The following ROBO1 variants were observed in gnomAD, a reference collection of about 807,000 sequenced individuals.
The protein encoded by ROBO1 is roundabout homolog 1.
In ROBO1, 149 loss-of-function variants were observed where a neutral mutation model predicts 195.9. The observed-to-expected ratio is 0.76, with a 90% CI of 0.67 to 0.87. ROBO1 has a LOEUF of 0.87. Among genes scored for constraint, ROBO1 ranks in the 40% least tolerant of loss-of-function variants. The pLI is 0.00. For missense variants in ROBO1, 1,933 were observed against 2,068.3 expected (o/e 0.93, Z 1.27); for synonymous variants, 816 against 733.2 (o/e 1.11, Z -1.82).
At chr3:79,693,736 C>T (rs1947363493) in intron 1 of ROBO1, among the ~76,000 whole-genome samples, 1 of 151,644 alleles carries the variant, frequency 6.6e-6, no homozygotes, top group Non-Finnish European at 1.5e-5. Context: ...CTGTGCCCAA[C>T]CCTGATTTGC....
rs773912454 is a variant in ROBO1, at chr3:79,589,894, A to T, written c.18T>A (p.Val6=). The change falls in exon 2 of 31, where the codon GTT becomes GTA. Residue 6 remains valine, a synonymous_variant. Transcript: ENST00000464233. Reference sequence around the variant, plus strand: ...GGAGTGATATCATGACCAAAAAAGGAACATGTTTCCATTTCATCTTTGTCC... The same window carrying T: ...GGAGTGATATCATGACCAAAAAAGGTACATGTTTCCATTTCATCTTTGTCC... MKWKH[V]PFLVMISLLS... 1 of 1,610,748 alleles carries T rather than the reference A, an allele frequency of 6.2e-7. No individual in the cohort carries two copies. Among genetic ancestry groups the T allele is most frequent in the Non-Finnish European group, 8.5e-7 (1 of 1,177,672 alleles).
Position 78,651,941 on chromosome 3 carries a change from T to C in ROBO1, c.2615-12A>G. 6.2e-7 allele frequency: 1 copy of C among 1,608,866 alleles called. No homozygotes were observed. Among genetic ancestry groups the C allele is most frequent in the Non-Finnish European group, 8.5e-7 (1 of 1,177,036 alleles). On this transcript the variant is annotated splice_polypyrimidine_tract_variant and intron_variant, in intron 18 of 30. Transcript: ENST00000464233. Reference sequence around the variant, plus strand: ...GTTTCCATGGGCATCTGAAAAGTCATCTTCCGATTAATTTGGGTTGAAGAC... The same window carrying C: ...GTTTCCATGGGCATCTGAAAAGTCACCTTCCGATTAATTTGGGTTGAAGAC...
At chr3:78,621,232 A>T (rs1193812102) in intron 26 of ROBO1, among the ~76,000 whole-genome samples, 3 of 152,174 alleles carry the variant, frequency 2.0e-5, no homozygotes, top group African/African-American at 7.2e-5. Flanking sequence ...ACCATTGTTT[A>T]ATTTGGAATG....
At chr3:79,613,994 C>A (rs1944744433) in intron 1 of ROBO1, among the ~76,000 whole-genome samples, 1 of 151,756 alleles carries the variant, frequency 6.6e-6, no homozygotes, top group African/African-American at 2.4e-5. Flanking sequence ...ATACACCTAA[C>A]AACAGAGATT....
chr3:78,986,996 C>CTATTTACA (rs1184239776), intron 3 of ROBO1, among the ~76,000 whole-genome samples: 1 of 151,986 alleles, frequency 6.6e-6, no homozygotes, highest in Non-Finnish European at 1.5e-5. Context: ...TAAACAGTGC[C>CTATTTACA]TATTTACAAA....
chr3:78,802,078 T>A (rs980146381), intron 4 of ROBO1, among the ~76,000 whole-genome samples: 2 of 152,270 alleles, frequency 1.3e-5, no homozygotes, highest in Admixed American at 6.5e-5. Context: ...TTTCCATTAC[T>A]ATGCAATTAA....
intron 1 of ROBO1, among the ~76,000 whole-genome samples, chr3:79,767,026 T>G (rs960361396): frequency 3.3e-5 from 5 of 152,060 alleles, no homozygotes; most frequent in Admixed American, 3.3e-4. Context: ...TAAGCTCTCG[T>G]CTTCACATCA....
At chr3:79,119,672 T>TAA (rs1389025884) in intron 3 of ROBO1, among the ~76,000 whole-genome samples, 2 of 152,222 alleles carry the variant, frequency 1.3e-5, no homozygotes, top group African/African-American at 2.4e-5. Flanking sequence ...GAAATGTTTA[T>TAA]TAATTTCCTG....
intron 2 of ROBO1, among the ~76,000 whole-genome samples, chr3:79,448,170 G>A (rs1368017760): frequency 6.6e-6 from 1 of 152,164 alleles, no homozygotes; most frequent in African/African-American, 2.4e-5. Context: ...ATTTGCTCAA[G>A]ATCATGCAGG....
chr3:78,641,366 T>C (rs559374246), intron 21 of ROBO1, among the ~76,000 whole-genome samples: 1 of 152,290 alleles, frequency 6.6e-6, no homozygotes, highest in African/African-American at 2.4e-5. Context: ...TAAAAGTTCC[T>C]AAAGCTCTGG....
intron 1 of ROBO1, among the ~76,000 whole-genome samples, chr3:79,763,991 T>C (rs377286296): frequency 1.2e-3 from 176 of 152,338 alleles, no homozygotes; most frequent in African/African-American, 4.1e-3. Context: ...GAAAAGCATG[T>C]ACTCTGTCAT....
At chr3:79,605,341 C>T (rs1387776292) in intron 1 of ROBO1, among the ~76,000 whole-genome samples, 1 of 150,508 alleles carries the variant, frequency 6.6e-6, no homozygotes, top group East Asian at 2.0e-4. Flanking sequence ...AGATTCTTTT[C>T]TGGGAAAATT....
chr3:79,543,078 A>C (rs2107647564), intron 2 of ROBO1, among the ~76,000 whole-genome samples: 1 of 152,240 alleles, frequency 6.6e-6, no homozygotes, highest in Admixed American at 6.6e-5. Context: ...TGAACTGAAT[A>C]ATGTCTGACT....
At chr3:78,981,042 T>C (rs192756014) in intron 3 of ROBO1, among the ~76,000 whole-genome samples, 15 of 152,252 alleles carry the variant, frequency 9.9e-5, no homozygotes, top group Middle Eastern at 3.4e-3. Context: ...TTCAGCAAGA[T>C]ATGAAATAGA....
rs574867144 is a variant in ROBO1, at chr3:78,611,531, T to C, written c.4435+3117A>G. On this transcript the variant is annotated intron_variant, in intron 28 of 30. Transcript: ENST00000464233. ...TAAATAAATCATTAGATACCGCCTG[T>C]CAGTGTGACTGTAGCATGCAGCACT... Among the ~76,000 whole-genome samples, 3 of 152,328 alleles carry C rather than the reference T, an allele frequency of 2.0e-5. No homozygotes were observed. The South Asian group carries it at 6.2e-4, about 32-fold the overall frequency.
chr3:79,762,713 G>T (rs969370443), intron 1 of ROBO1, among the ~76,000 whole-genome samples: 1 of 151,988 alleles, frequency 6.6e-6, no homozygotes, highest in Non-Finnish European at 1.5e-5. Flanking sequence ...TCTGAAGACT[G>T]AAAAGAAGAA....
At chr3:79,442,131 C>T (rs1486443655) in intron 2 of ROBO1, among the ~76,000 whole-genome samples, 1 of 152,036 alleles carries the variant, frequency 6.6e-6, no homozygotes, top group Non-Finnish European at 1.5e-5. Flanking sequence ...TCACAGAAGA[C>T]TGCCTTAAAT....
At chr3:79,306,572 A>G (rs1475744377) in intron 2 of ROBO1, among the ~76,000 whole-genome samples, 1 of 152,198 alleles carries the variant, frequency 6.6e-6, no homozygotes, top group Non-Finnish European at 1.5e-5. Flanking sequence ...GCTTCTTTAC[A>G]AAAGAAACCC....
intron 8 of ROBO1, among the ~76,000 whole-genome samples, chr3:78,703,535 C>T (rs1241113722): frequency 6.6e-6 from 1 of 152,020 alleles, no homozygotes; most frequent in Admixed American, 6.6e-5. Flanking sequence ...CCATCAGCCC[C>T]CCTAGTCCTC....
Sources: gnomAD v4.1 joint callset for allele counts (sites outside exome capture counted in the v4.1 genomes callset) on GRCh38, gnomAD v4.1.1 for gene constraint, MANE v1.5 for transcripts, NCBI Gene and HGNC (gene_info 2026-07-23, HGNC 2026-07-21) for gene names.